Variants in PPP2R2B observed in about 807,000 individuals in gnomAD.
PPP2R2B encodes protein phosphatase 2 regulatory subunit Bbeta.
Under a neutral mutation model 46.0 loss-of-function variants are expected in PPP2R2B, and 5 were observed. The observed-to-expected ratio is 0.11, with a 90% CI of 0.06 to 0.23. The LOEUF (loss-of-function observed/expected upper bound fraction) is 0.23. PPP2R2B is among the 10% of genes least tolerant of loss of function. The probability of loss-of-function intolerance (pLI) is 1.00; values close to 1 mark genes in which losing one functional copy is unlikely to be tolerated. For missense variants in PPP2R2B, 367 were observed against 575.0 expected, an observed-to-expected ratio of 0.64 and a Z score of 3.70; for synonymous variants, 215 against 206.7, an observed-to-expected ratio of 1.04 and a Z score of -0.34.
At chr5:146,649,407 A>C (rs1775798130) in intron 6 of PPP2R2B, among the ~76,000 whole-genome samples, 1 of 148,750 alleles carries the variant, frequency 6.7e-6, no homozygotes, top group African/African-American at 2.5e-5. Flanking sequence ...TGGCCCAGCT[A>C]TTCAGCATTT....
intron 6 of PPP2R2B, among the ~76,000 whole-genome samples, chr5:146,645,117 G>A (rs1269456087): frequency 6.6e-6 from 1 of 152,224 alleles, no homozygotes; most frequent in African/African-American, 2.4e-5. Context: ...TGCCAGTACT[G>A]AAGGTAGAAA....
At chr5:146,887,971 A>C (rs1762382177) in intron 1 of PPP2R2B, among the ~76,000 whole-genome samples, 1 of 152,174 alleles carries the variant, frequency 6.6e-6, no homozygotes, top group Non-Finnish European at 1.5e-5. Flanking sequence ...TCATACATGC[A>C]AACAGTTTGT....
At chr5:146,785,083 A>G (rs1259990042) in intron 2 of PPP2R2B, among the ~76,000 whole-genome samples, 2 of 152,212 alleles carry the variant, frequency 1.3e-5, no homozygotes, top group African/African-American at 4.8e-5. Flanking sequence ...AATATTATTT[A>G]TTGCTTTTCA....
chr5:147,019,600 T>G (rs143397768), intron 1 of PPP2R2B, among the ~76,000 whole-genome samples: 2,207 of 152,244 alleles, frequency 0.014, 54 homozygotes, highest in African/African-American at 0.048. Context: ...GTTTTGTTTT[T>G]TTTTAAAAAG....
At chr5:146,961,794 G>A (rs1752182453) in intron 1 of PPP2R2B, among the ~76,000 whole-genome samples, 1 of 151,930 alleles carries the variant, frequency 6.6e-6, no homozygotes, top group Non-Finnish European at 1.5e-5. Flanking sequence ...GGAAGACACT[G>A]GTCCCCCATG....
At chr5:146,627,143 T>A (rs1417987024) in intron 7 of PPP2R2B, among the ~76,000 whole-genome samples, 1 of 151,958 alleles carries the variant, frequency 6.6e-6, no homozygotes, top group Non-Finnish European at 1.5e-5. Flanking sequence ...TTCTCCAGAG[T>A]GGGAAGTGTG....
intron 6 of PPP2R2B, among the ~76,000 whole-genome samples, chr5:146,644,389 T>G (rs372643676): frequency 6.6e-6 from 1 of 152,144 alleles, no homozygotes. Flanking sequence ...AAAACTGTGA[T>G]GCGAATCCAA....
At chr5:146,988,956 A>G (rs1267042851) in intron 1 of PPP2R2B, among the ~76,000 whole-genome samples, 4 of 152,044 alleles carry the variant, frequency 2.6e-5, no homozygotes, top group Non-Finnish European at 4.4e-5. Flanking sequence ...AAGGATCATA[A>G]GAAACTACTA....
chr5:146,623,209 C>T (rs577334385), intron 7 of PPP2R2B, among the ~76,000 whole-genome samples: 6 of 152,284 alleles, frequency 3.9e-5, no homozygotes, highest in African/African-American at 1.4e-4. Context: ...AAAAATGCTA[C>T]GCGTCAGAAC....
At chr5:146,887,752 C>T (rs1278567553) in intron 1 of PPP2R2B, among the ~76,000 whole-genome samples, 2 of 152,174 alleles carry the variant, frequency 1.3e-5, no homozygotes, top group African/African-American at 4.8e-5. Context: ...AGCCAGATGT[C>T]ACTGCCAAAA....
intron 2 of PPP2R2B, among the ~76,000 whole-genome samples, chr5:146,781,348 C>G (rs574207620): frequency 6.6e-6 from 1 of 151,052 alleles, no homozygotes; most frequent in South Asian, 2.1e-4. Flanking sequence ...TAATGACAAA[C>G]AGATGTGAAA....
intron 2 of PPP2R2B, among the ~76,000 whole-genome samples, chr5:146,871,663 C>T (rs979744030): frequency 3.3e-5 from 5 of 152,124 alleles, no homozygotes; most frequent in African/African-American, 7.2e-5. Flanking sequence ...CCAGCAGCAC[C>T]GACCAGGCGC....
At chr5:147,058,131 A>G (rs1052175848), upstream of PPP2R2B, among the ~76,000 whole-genome samples, 1 of 152,222 alleles carries the variant, frequency 6.6e-6, no homozygotes, top group African/African-American at 2.4e-5. Context: ...GTGCCTGCAC[A>G]AAGTAGATAG....
At chr5:146,864,184 A>G (rs1761173674) in intron 2 of PPP2R2B, among the ~76,000 whole-genome samples, 1 of 152,166 alleles carries the variant, frequency 6.6e-6, no homozygotes, top group African/African-American at 2.4e-5. Context: ...AACTTCCATC[A>G]TTAGGTGGCT....
intron 2 of PPP2R2B, among the ~76,000 whole-genome samples, chr5:146,731,623 T>C (rs569441634): frequency 6.6e-6 from 1 of 152,328 alleles, no homozygotes; most frequent in Admixed American, 6.5e-5. Context: ...CTGCAAAACC[T>C]TGGGAGAGTC....
chr5:146,854,381 G>C (rs1041613049), intron 2 of PPP2R2B, among the ~76,000 whole-genome samples: 2 of 152,100 alleles, frequency 1.3e-5, no homozygotes, highest in Admixed American at 6.6e-5. Context: ...ATGGTATTCG[G>C]GTTATTTATC....
intron 1 of PPP2R2B, among the ~76,000 whole-genome samples, chr5:147,039,452 C>CG (rs915661010): frequency 6.6e-6 from 1 of 152,038 alleles, no homozygotes; most frequent in African/African-American, 2.4e-5. Flanking sequence ...AGATAGATCC[C>CG]GGGGGGCTCT....
At chr5:146,684,741 C>T (rs1234239364) in intron 5 of PPP2R2B, among the ~76,000 whole-genome samples, 1 of 152,182 alleles carries the variant, frequency 6.6e-6, no homozygotes, top group African/African-American at 2.4e-5. Flanking sequence ...CTGTGCTTTT[C>T]TCAGGACAGT....
intron 8 of PPP2R2B, among the ~76,000 whole-genome samples, chr5:146,594,629 G>A (rs1452775146): frequency 6.6e-6 from 1 of 152,162 alleles, no homozygotes; most frequent in Non-Finnish European, 1.5e-5. Context: ...GGAGCATGAA[G>A]CACAGAGATA....
Sources: allele counts gnomAD v4.1 joint callset (sites outside exome capture counted in the v4.1 genomes callset), GRCh38; gene constraint gnomAD v4.1.1; transcripts MANE v1.5; gene names NCBI Gene and HGNC (gene_info 2026-07-23, HGNC 2026-07-21).